Variants in MOK observed in about 807,000 individuals in gnomAD.
The protein encoded by MOK is MAPK/MAK/MRK overlapping kinase.
MOK carries 59 observed loss-of-function variants against 54.2 expected under a neutral mutation model. That is an observed-to-expected ratio of 1.09 (90% CI 0.88 to 1.35). MOK has a LOEUF of 1.35. Among genes scored for constraint, MOK ranks in the 40% most tolerant of loss-of-function variants. MOK has a pLI of 0.00. For synonymous variants in MOK, 210 were observed against 202.7 expected, an observed-to-expected ratio of 1.04 and a Z score of -0.31; for missense variants, 517 against 526.2, an observed-to-expected ratio of 0.98 and a Z score of 0.17.
chr14:102,229,436 G>C (rs1567124371), intron 11 of MOK, 21 bp downstream of exon 11: 1 of 1,614,180 alleles, frequency 6.2e-7, no homozygotes, highest in Non-Finnish European at 8.5e-7. Flanking sequence ...AGCGCCGTCA[G>C]AGAAGCTGGT....
downstream of MOK, among the ~76,000 whole-genome samples, chr14:102,228,367 G>T (rs568607232): frequency 1.3e-5 from 2 of 152,346 alleles, no homozygotes; most frequent in African/African-American, 4.8e-5. Flanking sequence ...ACACGCCTGT[G>T]TGTGTTCCTT....
chr14:102,232,684 A>G lies in MOK; in HGVS notation c.717T>C (p.Phe239=), dbSNP rs144699014. 13 of 1,613,730 alleles carry G rather than the reference A, an allele frequency of 8.1e-6. No individual in the cohort carries two copies. The African/African-American group carries it at 1.5e-4, about 18-fold the overall frequency. ...GTATTCCTGATCCCTTTTTAAAAGGAAAATCAAAATTCATAGCTCTCGACC... is the reference window on the plus strand; with the variant it reads ...GTATTCCTGATCCCTTTTTAAAAGGGAAATCAAAATTCATAGCTCTCGACC... The part of the protein sequence containing the change: ...FKQSRAMNFD[F]PFKKGSGIPL... Residue 239 remains phenylalanine, a synonymous_variant, in exon 9 of 12, where the codon TTT becomes TTC. Transcript: ENST00000361847. This position sits in a 1 kb window ranked among gnomAD's most constrained non-coding sequence, Gnocchi z 5.1.
intron 7 of MOK, among the ~76,000 whole-genome samples, chr14:102,241,972 AT>A (rs1231111581): frequency 6.6e-6 from 1 of 152,214 alleles, no homozygotes; most frequent in Non-Finnish European, 1.5e-5. Flanking sequence ...GCCATGTCCC[AT>A]CTGTGCAGGA....
intron 8 of MOK, chr14:102,233,340 T>C: frequency 4.7e-6 from 1 of 214,864 alleles, no homozygotes; most frequent in South Asian, 8.2e-5. Flanking sequence ...TGTGGAGGGC[T>C]GCAGAAAGCC....
downstream of MOK, among the ~76,000 whole-genome samples, chr14:102,224,121 A>C (rs948658217): frequency 6.1e-5 from 9 of 147,102 alleles, no homozygotes; most frequent in Non-Finnish European, 1.0e-4. Context: ...GGCTCACTGC[A>C]AGCTCCGCCT....
At chr14:102,285,060 G>A (rs1434895082) in intron 1 of MOK, among the ~76,000 whole-genome samples, 3 of 145,042 alleles carry the variant, frequency 2.1e-5, no homozygotes, top group African/African-American at 7.9e-5. Context: ...TCCAGCCTGG[G>A]CTACAGAGTG....
intron 1 of MOK, among the ~76,000 whole-genome samples, chr14:102,285,365 A>G (rs1215719892): frequency 2.6e-5 from 4 of 152,152 alleles, no homozygotes; most frequent in African/African-American, 9.7e-5. Context: ...GAGCCACTGC[A>G]CCCAATTCAC....
chr14:102,280,098 G>A (rs1256990538), intron 2 of MOK, among the ~76,000 whole-genome samples: 4 of 151,844 alleles, frequency 2.6e-5, no homozygotes, highest in Non-Finnish European at 5.9e-5. Flanking sequence ...TTGCGTGTGT[G>A]CGGTTACCTA....
intron 1 of MOK, among the ~76,000 whole-genome samples, chr14:102,286,566 G>A (rs1434948421): frequency 2.0e-5 from 3 of 151,968 alleles, no homozygotes; most frequent in Non-Finnish European, 2.9e-5. Context: ...AGTAGGGATC[G>A]CACTACTATA....
At chr14:102,287,012 C>T (rs1246405115) in intron 1 of MOK, among the ~76,000 whole-genome samples, 1 of 151,996 alleles carries the variant, frequency 6.6e-6, no homozygotes, top group African/African-American at 2.4e-5. Flanking sequence ...ACAGGTGTCT[C>T]ATTTTCTAAG....
intron 2 of MOK, among the ~76,000 whole-genome samples, chr14:102,277,013 C>CTTT (rs550427492): frequency 5.0e-5 from 5 of 99,948 alleles, no homozygotes; most frequent in African/African-American, 1.1e-4. Context: ...ATGCCCTGGT[C>CTTT]TTTTTTTTTT....
chr14:102,274,786 C>T (rs1009489053), intron 2 of MOK, among the ~76,000 whole-genome samples: 4 of 151,308 alleles, frequency 2.6e-5, no homozygotes, highest in African/African-American at 9.7e-5. Flanking sequence ...ACCAGCCTGG[C>T]CAACATGGTG....
intron 2 of MOK, among the ~76,000 whole-genome samples, chr14:102,270,384 G>A (rs1311845635): frequency 2.6e-5 from 4 of 152,012 alleles, no homozygotes; most frequent in Admixed American, 6.6e-5. Context: ...GGTGGATCAC[G>A]AGGTCAGGAG....
rs541063612 is a variant in MOK, at chr14:102,262,084, G to A, written c.283+1462C>T. On this transcript the variant is annotated intron_variant, in intron 4 of 11. Coordinates refer to ENST00000361847, the MANE Select transcript of MOK (RefSeq NM_014226.3). ...TCTCAATCTCCTGACCTCGTGATCC[G>A]CCTGCCTCAGCCTCCCAAAGTGCTG... Among the ~76,000 whole-genome samples, 756 of 149,322 alleles carry A rather than the reference G, an allele frequency of 5.1e-3. 9 individuals carry two copies. Among genetic ancestry groups the A allele is most frequent in the African/African-American group, 0.018 (712 of 40,492 alleles).
chr14:102,265,962 C>G (rs781122210), intron 2 of MOK, 50 bp from the exon 3 acceptor site: 3 of 1,301,004 alleles, frequency 2.3e-6, no homozygotes, highest in Non-Finnish European at 3.3e-6. Context: ...AGGTCAACTT[C>G]AAAATTAGAG....
At chr14:102,237,043 C>G (rs1335517936) in intron 7 of MOK, among the ~76,000 whole-genome samples, 1 of 152,104 alleles carries the variant, frequency 6.6e-6, no homozygotes, top group Non-Finnish European at 1.5e-5. Flanking sequence ...ACTTTTTTTA[C>G]TATTCCCCTG....
intron 1 of MOK, among the ~76,000 whole-genome samples, chr14:102,298,523 G>A (rs144371261): frequency 4.6e-5 from 7 of 152,226 alleles, no homozygotes; most frequent in East Asian, 3.9e-4. Context: ...CTGATCTCAC[G>A]GGGACTTGGA....
chr14:102,218,898 T>C, the MOK span, among the ~76,000 whole-genome samples: 1 of 152,178 alleles, frequency 6.6e-6, no homozygotes, highest in Admixed American at 6.5e-5. Flanking sequence ...TGAGCACAGG[T>C]GAAGCGTGGG....
Position 102,235,341 on chromosome 14 carries a change from T to A in MOK, c.591-1552A>T. The A allele has an allele frequency of 6.6e-6, 1 of 152,386 alleles. No homozygotes were observed. The highest frequency in any genetic ancestry group is 6.5e-5 in the Admixed American group (1 of 15,306). 9.4% of individuals were successfully genotyped at this position (152,386 alleles called of 1,614,324 possible). A position where few individuals can be genotyped will look rare whatever the true frequency, so the allele number is the denominator to read the frequency against. ...ACACTTACATCAAATAATTTAAATA[T>A]CTCACCCAGTCTTATGAACTTACTT... On this transcript the variant is annotated intron_variant, in intron 7 of 11. Transcript: ENST00000361847. The surrounding 1 kb of genome is among the most constrained non-coding windows in gnomAD (Gnocchi z 4.4).
Sources: gnomAD v4.1 joint callset for allele counts (sites outside exome capture counted in the v4.1 genomes callset) on GRCh38, gnomAD v4.1.1 for gene constraint, Gnocchi (gnomAD v3.1) non-coding constraint, MANE v1.5 for transcripts, NCBI Gene and HGNC (gene_info 2026-07-23, HGNC 2026-07-21) for gene names.